The following ANK3 variants were observed in gnomAD, a reference collection of about 807,000 sequenced individuals.
ANK3 encodes ankyrin-3.
Under a neutral mutation model 370.9 loss-of-function variants are expected in ANK3, and 57 were observed. The ratio of observed to expected loss-of-function variants is 0.15; its 90% CI spans 0.12 to 0.19. ANK3 has a LOEUF of 0.19. Ranked by LOEUF, ANK3 falls within the 10% of genes least tolerant of loss-of-function variation. The pLI is 1.00. For missense variants in ANK3, 4,439 were observed against 5,302.1 expected (o/e 0.84, Z 5.06); for synonymous variants, 1,929 against 1,946.3 (o/e 0.99, Z 0.23).
chr10:60,433,156 GA>G (rs76736967), intron 2 of ANK3, among the ~76,000 whole-genome samples: 54,726 of 151,958 alleles, frequency 0.36, 10,224 homozygotes, highest in South Asian at 0.42. Context: ...GAACAACACT[GA>G]AAAAGAGAAC....
intron 2 of ANK3, among the ~76,000 whole-genome samples, chr10:60,464,709 G>A (rs1409790087): frequency 6.6e-6 from 1 of 152,150 alleles, no homozygotes; most frequent in Non-Finnish European, 1.5e-5. Context: ...TACTGTCAAA[G>A]TGCCTCATGT....
intron 8 of ANK3, among the ~76,000 whole-genome samples, chr10:60,223,083 T>C (rs2097089085): frequency 1.3e-5 from 2 of 152,208 alleles, no homozygotes; most frequent in South Asian, 4.1e-4. Flanking sequence ...GCTTTCCATA[T>C]GTTAGTGTCT....
chr10:60,056,106 T>A, intron 41 of ANK3, 70 bp from the exon 42 acceptor site: 1 of 1,489,840 alleles, frequency 6.7e-7, no homozygotes, highest in East Asian at 2.3e-5. Flanking sequence ...AACTCTAAAG[T>A]TTTAAGAACT....
intron 1 of ANK3, among the ~76,000 whole-genome samples, chr10:60,690,178 C>T (rs1454780907): frequency 5.3e-5 from 8 of 152,116 alleles, no homozygotes; most frequent in African/African-American, 1.4e-4. Context: ...AAGCAGAAAA[C>T]GGGTGATTTC....
chr10:60,234,833 C>T (rs150708963), intron 7 of ANK3, 47 bp from the exon 8 acceptor site: 28 of 1,279,316 alleles, frequency 2.2e-5, no homozygotes, highest in Middle Eastern at 1.9e-4. Flanking sequence ...TTGGTTTCAA[C>T]AAAACGTTCC....
intron 2 of ANK3, among the ~76,000 whole-genome samples, chr10:60,598,526 A>G (rs2078018352): frequency 6.6e-6 from 1 of 152,244 alleles, no homozygotes; most frequent in Non-Finnish European, 1.5e-5. Context: ...AAGCAAGTGT[A>G]TAAAATTAAA....
chr10:60,557,439 A>T (rs1416646314), intron 2 of ANK3, among the ~76,000 whole-genome samples: 5 of 152,218 alleles, frequency 3.3e-5, no homozygotes, highest in African/African-American at 1.2e-4. Context: ...GGGAAAATAC[A>T]TAGAGAAAGA....
At chr10:60,538,925 T>G (rs2076785124) in intron 2 of ANK3, among the ~76,000 whole-genome samples, 1 of 151,920 alleles carries the variant, frequency 6.6e-6, no homozygotes, top group South Asian at 2.1e-4. Flanking sequence ...TTCCATTTTT[T>G]TGTTGTTGGT....
intron 1 of ANK3, among the ~76,000 whole-genome samples, chr10:60,730,587 T>G (rs1424729157): frequency 6.6e-6 from 1 of 152,118 alleles, no homozygotes; most frequent in African/African-American, 2.4e-5. Flanking sequence ...AATGAAAAAT[T>G]TTAAGCTATT....
intron 2 of ANK3, among the ~76,000 whole-genome samples, chr10:60,492,074 A>T (rs1250405538): frequency 6.6e-6 from 1 of 152,188 alleles, no homozygotes; most frequent in Non-Finnish European, 1.5e-5. Context: ...TTATCTTCTT[A>T]CACTATTCAG....
chr10:60,548,087 G>A (rs2077008679), intron 2 of ANK3, among the ~76,000 whole-genome samples: 2 of 151,210 alleles, frequency 1.3e-5, no homozygotes, highest in Non-Finnish European at 2.9e-5. Context: ...CAAAGTATTT[G>A]AAAACGTTCA....
intron 2 of ANK3, among the ~76,000 whole-genome samples, chr10:60,604,290 C>A (rs900803737): frequency 5.9e-5 from 9 of 152,112 alleles, no homozygotes; most frequent in East Asian, 1.9e-4. Context: ...TATAAGAATT[C>A]TTTTATTTGC....
intron 18 of ANK3, among the ~76,000 whole-genome samples, chr10:60,179,827 C>G (rs184816947): frequency 2.4e-3 from 359 of 152,276 alleles, no homozygotes; most frequent in African/African-American, 8.4e-3. Context: ...ACTTGTTTCT[C>G]TCCTCCCCGA....
chr10:60,382,807 A>C (rs1053747030), intron 1 of ANK3, among the ~76,000 whole-genome samples: 2 of 144,390 alleles, frequency 1.4e-5, no homozygotes, highest in African/African-American at 2.7e-5. Flanking sequence ...CTATATATAT[A>C]TATATATATA....
chr10:60,572,050 C>T (rs1462783000), intron 2 of ANK3, among the ~76,000 whole-genome samples: 1 of 152,056 alleles, frequency 6.6e-6, no homozygotes, highest in Non-Finnish European at 1.5e-5. Context: ...CTCTAAGTTT[C>T]CCTAAAATAT....
chr10:60,257,486 C>A (rs1333298057), intron 7 of ANK3, among the ~76,000 whole-genome samples: 1 of 152,132 alleles, frequency 6.6e-6, no homozygotes, highest in Non-Finnish European at 1.5e-5. Context: ...AGTATAGTAA[C>A]TAAAGATATT....
intron 2 of ANK3, among the ~76,000 whole-genome samples, chr10:60,408,415 C>T (rs948202103): frequency 6.6e-6 from 1 of 152,094 alleles, no homozygotes; most frequent in Non-Finnish European, 1.5e-5. Context: ...GCGTATGGCA[C>T]CCCCTCCCCA....
intron 1 of ANK3, among the ~76,000 whole-genome samples, chr10:60,701,106 C>G (rs114328676): frequency 0.04 from 6,120 of 151,488 alleles, 159 homozygotes; most frequent in Middle Eastern, 0.073. Context: ...TCTAAAGAAA[C>G]AGTTGAGTGA....
At chr10:60,654,343 T>C (rs1043075530) in intron 1 of ANK3, among the ~76,000 whole-genome samples, 7 of 152,330 alleles carry the variant, frequency 4.6e-5, no homozygotes, top group African/African-American at 1.4e-4. Context: ...CAGTACCGTG[T>C]TGAAAAGAAG....
Sources: allele counts gnomAD v4.1 joint callset (sites outside exome capture counted in the v4.1 genomes callset), GRCh38; gene constraint gnomAD v4.1.1; transcripts MANE v1.5; gene names NCBI Gene and HGNC (gene_info 2026-07-23, HGNC 2026-07-21).